The following WNT11 variants were observed in gnomAD, a reference collection of about 807,000 sequenced individuals.
The protein encoded by WNT11 is protein Wnt-11.
Under a neutral mutation model 35.6 loss-of-function variants are expected in WNT11, and 20 were observed. The ratio of observed to expected loss-of-function variants is 0.56; its 90% CI spans 0.40 to 0.82. WNT11 has a LOEUF of 0.82. Among genes scored for constraint, WNT11 ranks in the 40% least tolerant of loss-of-function variants. The probability of loss-of-function intolerance (pLI) is 0.00; values close to 1 mark genes in which losing one functional copy is unlikely to be tolerated. For synonymous variants in WNT11, 200 were observed against 211.9 expected, an observed-to-expected ratio of 0.94 and a Z score of 0.49; for missense variants, 459 against 504.4, an observed-to-expected ratio of 0.91 and a Z score of 0.86.
intron 1 of WNT11, among the ~76,000 whole-genome samples, chr11:76,203,315 C>A (rs1441497863): frequency 1.3e-5 from 2 of 152,234 alleles, no homozygotes; most frequent in Admixed American, 1.3e-4. Context: ...TCCTTCCACC[C>A]TACTCTGCAG....
chr11:76,192,515 C>G (rs1028825675), intron 3 of WNT11, among the ~76,000 whole-genome samples: 3 of 152,248 alleles, frequency 2.0e-5, no homozygotes, highest in Middle Eastern at 3.2e-3. Flanking sequence ...CCTCTGTCTT[C>G]TTTCGTGCAA....
Position 76,194,479 on chromosome 11 carries a change from C to T in WNT11, c.597+88G>A. ...GCCAGTCAGGGCCCGTCCCCCCGCA[C>T]CCCCCACCACTGGGGCAAGCTGGGT... On this transcript the variant is annotated intron_variant, in intron 3 of 4. Transcript: ENST00000322563. This position sits in a 1 kb window ranked among gnomAD's most constrained non-coding sequence, Gnocchi z 5.4. 1 of 1,452,854 alleles carries T rather than the reference C, an allele frequency of 6.9e-7. No individual in the cohort carries two copies. The highest frequency in any genetic ancestry group is 2.5e-4 in the Middle Eastern group (1 of 3,952). 90.0% of individuals were successfully genotyped at this position (1,452,854 alleles called of 1,614,324 possible).
intron 1 of WNT11, among the ~76,000 whole-genome samples, chr11:76,199,149 A>T (rs553059056): frequency 1.3e-5 from 2 of 152,140 alleles, no homozygotes; most frequent in African/African-American, 2.4e-5. Context: ...ATAAAATAAA[A>T]TAAATTAAAA....
intron 1 of WNT11, among the ~76,000 whole-genome samples, chr11:76,204,856 A>C (rs903919812): frequency 2.0e-5 from 3 of 152,096 alleles, no homozygotes; most frequent in South Asian, 2.1e-4. Context: ...TATGGGCGGC[A>C]AATGACACCC....
intron 1 of WNT11, among the ~76,000 whole-genome samples, chr11:76,205,040 T>C (rs954188546): frequency 1.3e-5 from 2 of 152,068 alleles, no homozygotes; most frequent in African/African-American, 4.8e-5. Flanking sequence ...AGGTGGCTGG[T>C]TTCTCACAGA....
intron 1 of WNT11, among the ~76,000 whole-genome samples, chr11:76,203,847 T>G (rs1953426552): frequency 6.6e-6 from 1 of 152,242 alleles, no homozygotes; most frequent in Non-Finnish European, 1.5e-5. Context: ...CCAGCCTCAC[T>G]GAACACTTCC....
At position 76,191,585 on chromosome 11, in the gene WNT11, CCCA is replaced by C. The variant is rs1431542156; in HGVS notation, c.866_868del (p.Val289del). Reference sequence around the variant, plus strand: ...TCACCTGTCTTGTGTCCCGTGGGAGCCCACCTTCTCATTCTTCATGCAGAAGTC... The same window carrying C: ...TCACCTGTCTTGTGTCCCGTGGGAGCCCTTCTCATTCTTCATGCAGAAGTC... On this transcript the variant is annotated inframe_deletion, in exon 4 of 5. Transcript: ENST00000322563. 2.5e-6 allele frequency: 4 copies of C among 1,611,602 alleles called. No individual in the cohort carries two copies. Among genetic ancestry groups the C allele is most frequent in the Admixed American group, 1.7e-5 (1 of 60,002 alleles).
intron 1 of WNT11, among the ~76,000 whole-genome samples, chr11:76,197,166 T>A (rs1459584575): frequency 1.3e-5 from 2 of 152,368 alleles, no homozygotes; most frequent in East Asian, 3.9e-4. Context: ...ACAATAATTA[T>A]ACATACTATT....
upstream of WNT11, among the ~76,000 whole-genome samples, chr11:76,210,055 C>T (rs1316613599): frequency 6.6e-6 from 1 of 151,758 alleles, no homozygotes; most frequent in Non-Finnish European, 1.5e-5. Context: ...TTCCCCCCGC[C>T]CACCACACAC....
At chr11:76,189,043 A>G (rs1354794290) in intron 4 of WNT11, among the ~76,000 whole-genome samples, 1 of 152,214 alleles carries the variant, frequency 6.6e-6, no homozygotes, top group African/African-American at 2.4e-5. Context: ...AGCAGTTCCC[A>G]GAACACCTGC....
chr11:76,200,333 GCC>G (rs1158551020), intron 1 of WNT11, among the ~76,000 whole-genome samples: 1 of 152,194 alleles, frequency 6.6e-6, no homozygotes, highest in African/African-American at 2.4e-5. Context: ...GCCTGCCCTG[GCC>G]TCACCTTCTT....
At chr11:76,205,110 G>C (rs917376429) in intron 1 of WNT11, among the ~76,000 whole-genome samples, 1 of 152,154 alleles carries the variant, frequency 6.6e-6, no homozygotes, top group African/African-American at 2.4e-5. Flanking sequence ...CTGAGACCAG[G>C]CTTCTTGTAA....
chr11:76,210,652 G>C (rs1300313072), upstream of WNT11: 15 of 985,134 alleles, frequency 1.5e-5, no homozygotes, highest in Non-Finnish European at 1.7e-5. Flanking sequence ...GGCCGGCTCA[G>C]GACCCGCGCG....
upstream of WNT11, among the ~76,000 whole-genome samples, chr11:76,208,342 G>A (rs1591315910): frequency 6.6e-6 from 1 of 152,188 alleles, no homozygotes; most frequent in Non-Finnish European, 1.5e-5. Flanking sequence ...GCAGAGCCCC[G>A]CAGCTAGCGC....
upstream of WNT11, chr11:76,206,546 G>C (rs1408520384): frequency 4.9e-6 from 6 of 1,221,088 alleles, no homozygotes; most frequent in African/African-American, 1.6e-5. Context: ...GCGCGCGGGC[G>C]GGGGAGGCGT....
At chr11:76,210,264 G>C (rs1050955824), upstream of WNT11, 1 of 292,888 alleles carries the variant, frequency 3.4e-6, no homozygotes, top group Non-Finnish European at 5.1e-6. Flanking sequence ...CGCGTCCCCA[G>C]GCTCCCGAGG....
In WNT11 at chr11:76,191,618, G is replaced by A; in HGVS notation, c.836C>T (p.Ser279Leu). The change falls in exon 4 of 5, where the codon TCA becomes TTA. Residue 279 changes from serine (S) to leucine (L), a missense_variant. Ser to Leu is a moderately radical substitution (Grantham distance 145, BLOSUM62 -2). Coordinates refer to ENST00000322563, the MANE Select transcript of WNT11 (RefSeq NM_004626.3). The part of the protein sequence containing the change: ...KDSELVYLQS[S>L]PDFCMKNEKV... ...CTCATTCTTCATGCAGAAGTCAGGT[G>A]AGCTCTGCAGATAGACGAGTTCCGA... 6.2e-7 allele frequency: 1 copy of A among 1,613,868 alleles called. No homozygotes were observed. Among genetic ancestry groups the A allele is most frequent in the Non-Finnish European group, 8.5e-7 (1 of 1,179,928 alleles).
intron 1 of WNT11, among the ~76,000 whole-genome samples, chr11:76,198,133 G>T (rs938674297): frequency 6.6e-6 from 1 of 152,204 alleles, no homozygotes; most frequent in Non-Finnish European, 1.5e-5. Context: ...ATTGCCAAGG[G>T]CACTGCACAG....
chr11:76,198,981 C>T (rs566535171), intron 1 of WNT11, among the ~76,000 whole-genome samples: 5 of 152,036 alleles, frequency 3.3e-5, no homozygotes, highest in African/African-American at 1.2e-4. Flanking sequence ...TCAAAAAATA[C>T]AAAAATTAGC....
Sources: gnomAD v4.1 joint callset for allele counts (sites outside exome capture counted in the v4.1 genomes callset) on GRCh38, gnomAD v4.1.1 for gene constraint, Gnocchi (gnomAD v3.1) non-coding constraint, MANE v1.5 for transcripts, NCBI Gene and HGNC (gene_info 2026-07-23, HGNC 2026-07-21) for gene names.